The following HSD17B7 variants were observed in gnomAD, a reference collection of about 807,000 sequenced individuals.
HSD17B7 encodes the protein hydroxysteroid 17-beta dehydrogenase 7.
In HSD17B7, 17 loss-of-function variants were observed where a neutral mutation model predicts 34.1. That is an observed-to-expected ratio of 0.50 (90% CI 0.34 to 0.75). HSD17B7 has a LOEUF of 0.75. Among genes scored for constraint, HSD17B7 ranks in the 30% least tolerant of loss-of-function variants. HSD17B7 has a pLI of 0.01. For synonymous variants in HSD17B7, 122 were observed against 154.6 expected, an observed-to-expected ratio of 0.79 and a Z score of 1.56; for missense variants, 296 against 406.6, an observed-to-expected ratio of 0.73 and a Z score of 2.34.
chr1:162,807,524 TTC>T (rs1173306888), intron 8 of HSD17B7, among the ~76,000 whole-genome samples: 1 of 152,198 alleles, frequency 6.6e-6, no homozygotes, highest in East Asian at 1.9e-4. Context: ...GTATTTCTAG[TTC>T]TAGATCCTTG....
intron 8 of HSD17B7, among the ~76,000 whole-genome samples, chr1:162,808,944 A>G (rs1649083073): frequency 6.6e-6 from 1 of 152,102 alleles, no homozygotes; most frequent in Admixed American, 6.5e-5. Flanking sequence ...TTTTTTCCTA[A>G]TTGAATACCC....
intron 8 of HSD17B7, among the ~76,000 whole-genome samples, chr1:162,807,305 A>G (rs1649017616): frequency 6.6e-6 from 1 of 152,194 alleles, no homozygotes; most frequent in African/African-American, 2.4e-5. Context: ...ATATGAACTC[A>G]TCCTTTTTTA....
At chr1:162,811,518 G>T (rs1318242432) in intron 8 of HSD17B7, among the ~76,000 whole-genome samples, 5 of 152,220 alleles carry the variant, frequency 3.3e-5, no homozygotes, top group African/African-American at 1.2e-4. Flanking sequence ...CTGAAAGTTT[G>T]CCTGTACATA....
intron 2 of HSD17B7, among the ~76,000 whole-genome samples, chr1:162,794,442 A>C (rs1648529882): frequency 6.6e-6 from 1 of 152,090 alleles, no homozygotes; most frequent in African/African-American, 2.4e-5. Context: ...CTGCTGAGCT[A>C]TTAGAGTTTT....
intron 5 of HSD17B7, among the ~76,000 whole-genome samples, chr1:162,800,985 C>T (rs1648795784): frequency 6.6e-6 from 1 of 151,978 alleles, no homozygotes; most frequent in African/African-American, 2.4e-5. Flanking sequence ...GAATGATGCC[C>T]CCCTTTTTTT....
intron 2 of HSD17B7, among the ~76,000 whole-genome samples, chr1:162,793,594 A>G (rs565422323): frequency 5.9e-5 from 9 of 152,092 alleles, no homozygotes; most frequent in South Asian, 2.1e-4. Flanking sequence ...CACATTTTCA[A>G]TCTCAATCAT....
intron 5 of HSD17B7, among the ~76,000 whole-genome samples, chr1:162,802,579 A>G (rs969885572): frequency 5.3e-5 from 8 of 152,216 alleles, no homozygotes; most frequent in African/African-American, 1.7e-4. Flanking sequence ...CTGTCTGTCC[A>G]TTGAACTGTC....
intron 1 of HSD17B7, among the ~76,000 whole-genome samples, chr1:162,791,071 C>G (rs1255214845): frequency 2.0e-5 from 3 of 151,684 alleles, no homozygotes; most frequent in African/African-American, 7.2e-5. Flanking sequence ...TGATGAGTGT[C>G]GCAGTGATGA....
At chr1:162,809,151 C>G (rs552619794) in intron 8 of HSD17B7, among the ~76,000 whole-genome samples, 197 of 152,248 alleles carry the variant, frequency 1.3e-3, no homozygotes, top group African/African-American at 4.5e-3. Context: ...CGATCAATAC[C>G]TAATTTATTG....
At chr1:162,794,128 C>T (rs545648475) in intron 2 of HSD17B7, among the ~76,000 whole-genome samples, 3 of 152,098 alleles carry the variant, frequency 2.0e-5, no homozygotes, top group African/African-American at 7.2e-5. Flanking sequence ...GTCCAAGAAC[C>T]CTGCACTAGT....
At chr1:162,798,002 C>G in intron 4 of HSD17B7, 86 bp downstream of exon 4, 1 of 1,471,152 alleles carries the variant, frequency 6.8e-7, no homozygotes, top group Non-Finnish European at 9.1e-7. Context: ...TATAGTTGAG[C>G]AGCCAGTTAA....
At chr1:162,795,688 T>G (rs1315771635) in intron 2 of HSD17B7, 2 of 431,092 alleles carry the variant, frequency 4.6e-6, no homozygotes, top group Non-Finnish European at 9.1e-6. Flanking sequence ...GTCCTAAGTT[T>G]AGAAGCTATG....
In HSD17B7 at chr1:162,799,702, T is replaced by G. The variant is rs199523037; in HGVS notation, c.448-41T>G. 1,775 of 1,550,538 alleles carry G rather than the reference T, an allele frequency of 1.1e-3. 3 individuals carry two copies. The highest frequency in any genetic ancestry group is 1.6e-3 in the Admixed American group (92 of 57,528). On this transcript the variant is annotated intron_variant, in intron 4 of 8. Coordinates refer to ENST00000254521, the MANE Select transcript of HSD17B7 (RefSeq NM_016371.4). ...GGTTTCAAAATTTTTATCTGTATTCTGTCAGTATATTTTAATACTTTTTTT... is the reference window on the plus strand; with the variant it reads ...GGTTTCAAAATTTTTATCTGTATTCGGTCAGTATATTTTAATACTTTTTTT...
intron 8 of HSD17B7, 129 bp from the exon 9 acceptor site, chr1:162,812,169 T>C (rs1649189397): frequency 8.3e-7 from 1 of 1,198,750 alleles, no homozygotes; most frequent in South Asian, 1.7e-5. Flanking sequence ...CTTCCACGTG[T>C]CTGCCACCAT....
intron 2 of HSD17B7, among the ~76,000 whole-genome samples, chr1:162,794,813 T>C (rs1231884617): frequency 6.6e-6 from 1 of 152,210 alleles, no homozygotes; most frequent in Non-Finnish European, 1.5e-5. Flanking sequence ...TTAACATTTA[T>C]AGTACTGACT....
rs767340480 is a variant in HSD17B7, at chr1:162,792,821, C to T, written c.198C>T (p.Asn66=). 1.9e-5 allele frequency: 30 copies of T among 1,614,092 alleles called. 1 individual carries two copies. The South Asian group carries it at 3.2e-4, about 17-fold the overall frequency. ...CCATTGTCCAGGTGGATGTCAGCAA[C>T]CTGCAGTCGGTCTTCCGGGCCTCCA... ...EVTIVQVDVS[N]LQSVFRASKE... Residue 66 remains asparagine, a synonymous_variant, in exon 2 of 9, where the codon AAC becomes AAT. Coordinates refer to ENST00000254521, the MANE Select transcript of HSD17B7 (RefSeq NM_016371.4).
At chr1:162,809,633 T>G (rs1179466452) in intron 8 of HSD17B7, among the ~76,000 whole-genome samples, 2 of 152,120 alleles carry the variant, frequency 1.3e-5, no homozygotes, top group Admixed American at 1.3e-4. Flanking sequence ...AATTATTGCC[T>G]CAATTTCAGA....
chr1:162,803,893 G>A (rs1170170003), intron 6 of HSD17B7, among the ~76,000 whole-genome samples: 3 of 152,228 alleles, frequency 2.0e-5, no homozygotes, highest in Non-Finnish European at 4.4e-5. Flanking sequence ...GGGGATAATT[G>A]TGTACTATGT....
At chr1:162,806,193 C>T (rs563839636) in intron 8 of HSD17B7, among the ~76,000 whole-genome samples, 7 of 152,172 alleles carry the variant, frequency 4.6e-5, no homozygotes, top group African/African-American at 1.4e-4. Flanking sequence ...TTTTGTCATG[C>T]GTAAGGTTTG....
Sources: gnomAD v4.1 joint callset for allele counts (sites outside exome capture counted in the v4.1 genomes callset) on GRCh38, gnomAD v4.1.1 for gene constraint, MANE v1.5 for transcripts, NCBI Gene and HGNC (gene_info 2026-07-23, HGNC 2026-07-21) for gene names.